Variants in OTOGL observed in about 807,000 individuals in gnomAD.
OTOGL encodes the protein otogelin like.
Under a neutral mutation model 318.5 loss-of-function variants are expected in OTOGL, and 285 were observed. The observed-to-expected ratio is 0.89, with a 90% confidence interval of 0.81 to 0.99. The LOEUF (loss-of-function observed/expected upper bound fraction) is 0.99. Ranked by LOEUF, OTOGL falls within the 50% of genes least tolerant of loss-of-function variation. The pLI, the probability that OTOGL is intolerant of heterozygous loss-of-function variation, is 0.00. For synonymous variants in OTOGL, 987 were observed against 936.5 expected (o/e 1.05, Z -0.99); for missense variants, 2,899 against 2,845.6 (o/e 1.02, Z -0.43).
In OTOGL at chr12:80,108,936, G is replaced by GTGTGTATATATATA. The variant is rs1555268621; in HGVS notation, c.-20+9332_-20+9333insGTGTATATATATAT. Among the ~76,000 whole-genome samples, 446 of 128,218 alleles carry GTGTGTATATATATA rather than the reference G, an allele frequency of 3.5e-3. 8 individuals carry two copies. The highest frequency in any genetic ancestry group is 0.013 in the African/African-American group (421 of 31,258). The allele number at this position is 128,218 out of a possible 152,430, so 84.1% of individuals were successfully genotyped here. A position where few individuals can be genotyped will look rare whatever the true frequency, so the allele number is the denominator to read the frequency against. ...TATATGTGTATATATATATGTGTGT[G>GTGTGTATATATATA]TATATATATATATATATACACACAC... is the stretch of plus-strand genomic sequence containing the variant. On this transcript the variant is annotated intron_variant, in intron 1 of 58. Transcript: ENST00000547103.
intron 1 of OTOGL, chr12:80,102,918 G>C: frequency 1.2e-6 from 1 of 822,368 alleles, no homozygotes; most frequent in Non-Finnish European, 2.1e-6. Flanking sequence ...CTTCTCAATT[G>C]TTTCTTCCTT....
intron 26 of OTOGL, among the ~76,000 whole-genome samples, chr12:80,289,926 C>T: frequency 6.6e-6 from 1 of 152,066 alleles, no homozygotes; most frequent in East Asian, 1.9e-4. Context: ...GCTGGGGTTC[C>T]AGGTGCCTCT....
At chr12:80,366,267 G>C (rs1046722784) in intron 52 of OTOGL, 1 of 444,558 alleles carries the variant, frequency 2.2e-6, no homozygotes, top group Admixed American at 2.4e-5. Context: ...GTATACTATA[G>C]CAGCCTTGTG....
intron 1 of OTOGL, among the ~76,000 whole-genome samples, chr12:80,156,557 G>C (rs1453020189): frequency 6.6e-6 from 1 of 152,138 alleles, no homozygotes; most frequent in Admixed American, 6.5e-5. Flanking sequence ...GAAGGGACCC[G>C]GTGGGAGATA....
chr12:80,241,489 C>A (rs1357324234), intron 11 of OTOGL, among the ~76,000 whole-genome samples: 2 of 151,804 alleles, frequency 1.3e-5, no homozygotes, highest in Non-Finnish European at 2.9e-5. Flanking sequence ...TTAAGGATGG[C>A]TGTAGGTAGG....
At position 80,300,862 on chromosome 12, in the gene OTOGL, T is replaced by C. The variant is rs1204921611; in HGVS notation, c.3064-1772T>C. Among the ~76,000 whole-genome samples the C allele has an allele frequency of 2.0e-5, 3 of 152,144 alleles. No homozygotes were observed. In the East Asian group the frequency reaches 5.8e-4, roughly 29 times the overall value. On this transcript the variant is annotated intron_variant, in intron 27 of 58. Coordinates refer to ENST00000547103, the MANE Select transcript of OTOGL (RefSeq NM_001378609.3). ...TTGAAGAACAGAAAGAGAGCCAGCA[T>C]AGCTGAAGCTTAGTCAGTGAGGGTG... is the stretch of plus-strand genomic sequence containing the variant.
At chr12:80,168,600 G>T (rs1272346103) in intron 1 of OTOGL, among the ~76,000 whole-genome samples, 1 of 152,196 alleles carries the variant, frequency 6.6e-6, no homozygotes, top group Non-Finnish European at 1.5e-5. Flanking sequence ...TAATAAGTTT[G>T]TCCTGGAAAA....
intron 1 of OTOGL, chr12:80,189,495 C>T (rs777832413): frequency 5.1e-6 from 5 of 975,816 alleles, no homozygotes; most frequent in Non-Finnish European, 6.1e-6. Flanking sequence ...CCCCCTTTAG[C>T]AAAAATTGTT....
chr12:80,109,834 A>G (rs993308783), intron 1 of OTOGL, among the ~76,000 whole-genome samples: 4 of 152,192 alleles, frequency 2.6e-5, no homozygotes, highest in Non-Finnish European at 5.9e-5. Flanking sequence ...AGAATAAGAA[A>G]AGAAATTACA....
chr12:80,221,842 A>G (rs927409792), intron 6 of OTOGL, among the ~76,000 whole-genome samples: 8 of 152,132 alleles, frequency 5.3e-5, no homozygotes, highest in African/African-American at 1.9e-4. Context: ...TCTTTCTTTG[A>G]AAACAAAAGT....
chr12:80,326,727 A>G (rs1383424579), intron 35 of OTOGL, among the ~76,000 whole-genome samples: 1 of 152,240 alleles, frequency 6.6e-6, no homozygotes, highest in Non-Finnish European at 1.5e-5. Context: ...AATTAGTTAT[A>G]TAAGCTAAGT....
chr12:80,112,032 T>G (rs888491733), intron 1 of OTOGL, among the ~76,000 whole-genome samples: 9 of 152,082 alleles, frequency 5.9e-5, no homozygotes, highest in African/African-American at 2.2e-4. Context: ...GTTTGCTCAT[T>G]ATTTGGCTCT....
In OTOGL at chr12:80,111,591, T is replaced by C. The variant is rs183771542; in HGVS notation, c.-20+11986T>C. 6.6e-3 allele frequency among the ~76,000 whole-genome samples: 1,011 copies of C among 152,326 alleles called. 15 individuals carry two copies. The highest frequency in any genetic ancestry group is 0.022 in the African/African-American group (897 of 41,570). Reference sequence around the variant, plus strand: ...GGTGTTATTTGTGAGGCCTCTGTTCTGTTCCATTGGTCTATATATCTGTTT... The same window carrying C: ...GGTGTTATTTGTGAGGCCTCTGTTCCGTTCCATTGGTCTATATATCTGTTT... On this transcript the variant is annotated intron_variant, in intron 1 of 58. Transcript: ENST00000547103.
chr12:80,134,406 T>C (rs1401183567), intron 1 of OTOGL, among the ~76,000 whole-genome samples: 2 of 152,348 alleles, frequency 1.3e-5, no homozygotes, highest in South Asian at 4.1e-4. Context: ...ACAAATTTCA[T>C]GACACTTGTC....
chr12:80,108,297 CT>C (rs1209959087), intron 1 of OTOGL, among the ~76,000 whole-genome samples: 1 of 151,788 alleles, frequency 6.6e-6, no homozygotes, highest in Admixed American at 6.6e-5. Context: ...ATTAATTATT[CT>C]GTTATAATAT....
intron 27 of OTOGL, among the ~76,000 whole-genome samples, chr12:80,302,013 T>C (rs955777499): frequency 6.6e-6 from 1 of 152,208 alleles, no homozygotes; most frequent in Non-Finnish European, 1.5e-5. Flanking sequence ...CTTCTTACCA[T>C]AGATCTTAGC....
At chr12:80,236,944 A>G (rs1454054734) in intron 9 of OTOGL, among the ~76,000 whole-genome samples, 2 of 150,736 alleles carry the variant, frequency 1.3e-5, no homozygotes, top group South Asian at 2.1e-4. Context: ...CCTCCTGAGT[A>G]GCTGGGATTA....
intron 1 of OTOGL, among the ~76,000 whole-genome samples, chr12:80,170,495 G>A (rs768152717): frequency 1.5e-4 from 23 of 151,092 alleles, no homozygotes; most frequent in East Asian, 7.9e-4. Context: ...GTACAGTGGC[G>A]CGATCTTGGC....
At chr12:80,176,506 G>A (rs914708798) in intron 1 of OTOGL, among the ~76,000 whole-genome samples, 48 of 152,042 alleles carry the variant, frequency 3.2e-4, no homozygotes, top group African/African-American at 1.2e-3. Flanking sequence ...AATATATACA[G>A]TGTGTTCTCT....
Sources: allele counts gnomAD v4.1 joint callset (sites outside exome capture counted in the v4.1 genomes callset), GRCh38; gene constraint gnomAD v4.1.1; transcripts MANE v1.5; gene names NCBI Gene and HGNC (gene_info 2026-07-23, HGNC 2026-07-21).